The following MYOCD variants were observed in gnomAD, a reference collection of about 807,000 sequenced individuals.
The protein encoded by MYOCD is myocardin.
MYOCD carries 32 observed loss-of-function variants against 96.1 expected under a neutral mutation model. That is an observed-to-expected ratio of 0.33 (90% CI 0.25 to 0.45). The LOEUF is 0.45. Ranked by LOEUF, MYOCD falls within the 20% of genes least tolerant of loss-of-function variation. MYOCD has a pLI of 1.00. For missense variants in MYOCD, 1,133 were observed against 1,200.6 expected (o/e 0.94, Z 0.83); for synonymous variants, 469 against 469.0 (o/e 1.00, Z 0.00).
In MYOCD at chr17:12,717,333, T is replaced by G; in HGVS notation, c.178-13T>G. On this transcript the variant is annotated splice_polypyrimidine_tract_variant and intron_variant, in intron 3 of 13. Coordinates refer to ENST00000425538, the MANE Select transcript of MYOCD (RefSeq NM_001146312.3). ...GGTAAAACTAGGTGATTTCTCTTGT[T>G]TGGGTTCTACAGGCTAAAAATTCCC... 1.9e-6 allele frequency: 3 copies of G among 1,611,400 alleles called. No homozygotes were observed. The highest frequency in any genetic ancestry group is 1.7e-6 in the Non-Finnish European group (2 of 1,178,022).
Position 12,763,471 on chromosome 17 carries a change from T to C in MYOCD, c.2788T>C (p.Phe930Leu). Residue 930 changes from phenylalanine to leucine, a missense_variant, in exon 14 of 14, where the codon TTC becomes CTC. Coordinates refer to ENST00000425538, the MANE Select transcript of MYOCD (RefSeq NM_001146312.3). ...SVDSNGLQLS[F>L]TESPWETMEW... ...GGACAGCAATGGGCTGCAGTTAAGC[T>C]TCACTGAATCTCCCTGGGAAACCAT... 1.2e-6 allele frequency: 2 copies of C among 1,614,176 alleles called. No individual in the cohort carries two copies. Among genetic ancestry groups the C allele is most frequent in the Non-Finnish European group, 1.7e-6 (2 of 1,180,040 alleles).
chr17:12,746,086 C>T lies in MYOCD; in HGVS notation c.1125+14C>T. 1 of 1,610,746 alleles carries T rather than the reference C, an allele frequency of 6.2e-7. No individual in the cohort carries two copies. ...GATGATCTGAAGGTATAGGATTTGACATGAGTTTCTTTCTTTTTTTAAACA... is the reference window on the plus strand; with the variant it reads ...GATGATCTGAAGGTATAGGATTTGATATGAGTTTCTTTCTTTTTTTAAACA... On this transcript the variant is annotated intron_variant, in intron 9 of 13. Coordinates refer to ENST00000425538, the MANE Select transcript of MYOCD (RefSeq NM_001146312.3).
intron 5 of MYOCD, among the ~76,000 whole-genome samples, chr17:12,735,920 G>A (rs1165814908): frequency 2.6e-5 from 4 of 152,006 alleles, no homozygotes; most frequent in Admixed American, 6.5e-5. Context: ...ATGCAGAAAC[G>A]TGAAAATAAA....
intron 2 of MYOCD, chr17:12,706,067 T>G (rs2031279952): frequency 6.6e-6 from 1 of 152,236 alleles, no homozygotes; most frequent in Non-Finnish European, 1.5e-5. Context: ...TAGTTAGTTA[T>G]ATTGAAGCGC....
chr17:12,708,083 G>A (rs1189671109), intron 2 of MYOCD, among the ~76,000 whole-genome samples: 1 of 152,118 alleles, frequency 6.6e-6, no homozygotes, highest in Non-Finnish European at 1.5e-5. Flanking sequence ...TCTCTGCAGT[G>A]CTGGTTCTCT....
intron 4 of MYOCD, among the ~76,000 whole-genome samples, chr17:12,721,854 T>C (rs1176934049): frequency 6.6e-6 from 1 of 152,176 alleles, no homozygotes; most frequent in Non-Finnish European, 1.5e-5. Context: ...GACATGGGCT[T>C]TGGTATGCCC....
chr17:12,723,751 C>T (rs1441429795), intron 5 of MYOCD, among the ~76,000 whole-genome samples: 1 of 152,184 alleles, frequency 6.6e-6, no homozygotes, highest in Non-Finnish European at 1.5e-5. Flanking sequence ...CCTACAGACA[C>T]ACTTAGCTTT....
intron 5 of MYOCD, among the ~76,000 whole-genome samples, chr17:12,734,627 C>CCGGGTTCA (rs1178829415): frequency 1.4e-5 from 2 of 147,990 alleles, no homozygotes; most frequent in African/African-American, 5.0e-5. Flanking sequence ...TCTCCTGCCT[C>CCGGGTTCA]AGCCTCCGGA....
intron 4 of MYOCD, among the ~76,000 whole-genome samples, chr17:12,720,686 C>T (rs1290099568): frequency 1.3e-5 from 2 of 151,980 alleles, no homozygotes; most frequent in East Asian, 3.9e-4. Flanking sequence ...ATAAACCTAC[C>T]AATCAATATA....
At chr17:12,684,001 C>T (rs80296386) in intron 1 of MYOCD, among the ~76,000 whole-genome samples, 2,306 of 152,292 alleles carry the variant, frequency 0.015, 67 homozygotes, top group African/African-American at 0.052. Flanking sequence ...ACCAATTTGG[C>T]TACCAATAAT....
At chr17:12,756,306 T>C (rs896895135) in intron 10 of MYOCD, 108 bp from the exon 11 acceptor site, 1 of 1,305,510 alleles carries the variant, frequency 7.7e-7, no homozygotes, top group African/African-American at 1.5e-5. Flanking sequence ...TAGGAAGGTT[T>C]GTAAAAATGA....
intron 1 of MYOCD, among the ~76,000 whole-genome samples, chr17:12,667,998 T>C (rs118111160): frequency 0.015 from 2,257 of 152,188 alleles, 17 homozygotes; most frequent in Middle Eastern, 0.031. Context: ...ATGCAAACAT[T>C]GATAGTCTCT....
chr17:12,723,297 C>T lies in MYOCD; in HGVS notation c.415+289C>T, dbSNP rs72811298. On this transcript the variant is annotated intron_variant, in intron 5 of 13. Coordinates refer to ENST00000425538, the MANE Select transcript of MYOCD (RefSeq NM_001146312.3). Reference sequence around the variant, plus strand: ...TCAAAACATCTCCCCTATAAGACATCCATTACTTAGGAGTCACAGTCATGG... The same window carrying T: ...TCAAAACATCTCCCCTATAAGACATTCATTACTTAGGAGTCACAGTCATGG... Among the ~76,000 whole-genome samples the T allele has an allele frequency of 7.7e-3, 1,171 of 152,280 alleles. 9 individuals carry two copies. Among genetic ancestry groups the T allele is most frequent in the Middle Eastern group, 0.024 (7 of 292 alleles).
intron 4 of MYOCD, among the ~76,000 whole-genome samples, chr17:12,721,220 T>C (rs951779643): frequency 1.3e-5 from 2 of 152,100 alleles, no homozygotes; most frequent in African/African-American, 4.8e-5. Flanking sequence ...GGGTGTGAAC[T>C]GCACCAACCC....
intron 1 of MYOCD, among the ~76,000 whole-genome samples, chr17:12,703,606 T>G (rs2031172779): frequency 6.6e-6 from 1 of 152,106 alleles, no homozygotes; most frequent in Non-Finnish European, 1.5e-5. Flanking sequence ...TCCACTTCAA[T>G]TAAATTAAAA....
chr17:12,749,066 C>T (rs1000612495), intron 9 of MYOCD, among the ~76,000 whole-genome samples: 1 of 151,866 alleles, frequency 6.6e-6, no homozygotes. Context: ...GAAAAAATTA[C>T]GTGCACATAA....
At chr17:12,670,539 C>T (rs191894604) in intron 1 of MYOCD, among the ~76,000 whole-genome samples, 5 of 152,188 alleles carry the variant, frequency 3.3e-5, no homozygotes, top group African/African-American at 1.2e-4. Flanking sequence ...ACCATGAGCT[C>T]GAGAGAAGCC....
intron 1 of MYOCD, among the ~76,000 whole-genome samples, chr17:12,690,405 G>C (rs2030384773): frequency 6.6e-6 from 1 of 152,034 alleles, no homozygotes; most frequent in Non-Finnish European, 1.5e-5. Flanking sequence ...CCTGGTAAGA[G>C]TACAAAATGG....
chr17:12,718,563 C>T (rs1448414267), intron 4 of MYOCD, among the ~76,000 whole-genome samples: 1 of 152,208 alleles, frequency 6.6e-6, no homozygotes, highest in Non-Finnish European at 1.5e-5. Context: ...GTTATTTATT[C>T]TGGCTTTCCA....
Sources: allele counts gnomAD v4.1 joint callset (sites outside exome capture counted in the v4.1 genomes callset), GRCh38; gene constraint gnomAD v4.1.1; transcripts MANE v1.5; gene names NCBI Gene and HGNC (gene_info 2026-07-23, HGNC 2026-07-21).